The following UTP18 variants were observed in gnomAD, a reference collection of about 807,000 sequenced individuals.
UTP18 encodes U3 small nucleolar RNA-associated protein 18 homolog.
In UTP18, 36 loss-of-function variants were observed where a neutral mutation model predicts 61.1. The ratio of observed to expected loss-of-function variants is 0.59; its 90% confidence interval spans 0.45 to 0.78. The LOEUF is 0.78. Ranked by LOEUF, UTP18 falls within the 30% of genes least tolerant of loss-of-function variation. UTP18 has a pLI of 0.00. For synonymous variants in UTP18, 282 were observed against 251.1 expected (o/e 1.12, Z -1.16); for missense variants, 753 against 693.9 (o/e 1.09, Z -0.96).
At chr17:51,277,010 G>C (rs1597847162) in intron 6 of UTP18, 120 bp from the exon 7 acceptor site, 1 of 1,065,540 alleles carries the variant, frequency 9.4e-7, no homozygotes, top group East Asian at 2.5e-5. Context: ...GGCTGCTTAA[G>C]TCAGCCTTCA....
chr17:51,262,091 ATT>A (rs770103950), intron 1 of UTP18, among the ~76,000 whole-genome samples: 11 of 142,822 alleles, frequency 7.7e-5, no homozygotes, highest in Non-Finnish European at 7.7e-5. Flanking sequence ...CTAGGTTTAG[ATT>A]TTTTTTTTTT....
chr17:51,294,143 T>C, intron 12 of UTP18, 98 bp downstream of exon 12: 1 of 1,049,388 alleles, frequency 9.5e-7, no homozygotes, highest in Non-Finnish European at 1.3e-6. Context: ...GTTAATAAAT[T>C]CTAGTCTGTT....
At chr17:51,281,164 A>ATATATATATTTT (rs59857038) in intron 9 of UTP18, among the ~76,000 whole-genome samples, 8 of 140,426 alleles carry the variant, frequency 5.7e-5, no homozygotes, top group African/African-American at 2.1e-4. Context: ...ATATATATAT[A>ATATATATATTTT]TTTTTTTTAA....
intron 9 of UTP18, among the ~76,000 whole-genome samples, chr17:51,283,416 C>T (rs1021541923): frequency 6.6e-6 from 1 of 152,092 alleles, no homozygotes; most frequent in African/African-American, 2.4e-5. Flanking sequence ...GATCTGCCCG[C>T]CTTGGCCTCC....
intron 4 of UTP18, among the ~76,000 whole-genome samples, chr17:51,271,463 T>G (rs1412244090): frequency 2.6e-5 from 4 of 152,000 alleles, no homozygotes; most frequent in Admixed American, 2.6e-4. Flanking sequence ...TGTGCCACCA[T>G]GCCCAGCTAA....
rs377075898 is a variant in UTP18 at position 51,260,745 on chromosome 17, C to T, written c.161C>T (p.Pro54Leu). Reference sequence around the variant, plus strand: ...TCCCAGCGGAAACCGCCGGCCCGGCCGAGCGCGGCGGCCGCTGCGATTGCA... The same window carrying T: ...TCCCAGCGGAAACCGCCGGCCCGGCTGAGCGCGGCGGCCGCTGCGATTGCA... ...PSSQRKPPARPSAAAAAIAVA... is the reference protein window; with the variant it reads ...PSSQRKPPARLSAAAAAIAVA... Residue 54 changes from proline to leucine, a missense_variant, in exon 1 of 14, where the codon CCG (proline) becomes CTG (leucine). By Grantham distance (98) the Pro-to-Leu change is moderately conservative. Coordinates refer to ENST00000225298, the MANE Select transcript of UTP18 (RefSeq NM_016001.3). 3 of 1,584,424 alleles carry T rather than the reference C, an allele frequency of 1.9e-6. No homozygotes were observed. Among genetic ancestry groups the T allele is most frequent in the African/African-American group, 1.3e-5 (1 of 74,350 alleles).
intron 1 of UTP18, among the ~76,000 whole-genome samples, chr17:51,261,270 T>A (rs570121702): frequency 1.3e-5 from 2 of 152,298 alleles, no homozygotes; most frequent in South Asian, 4.1e-4. Context: ...CCTGCCTCAG[T>A]TCCTTGTGAT....
intron 12 of UTP18, among the ~76,000 whole-genome samples, chr17:51,294,953 G>A (rs1474366775): frequency 6.6e-6 from 1 of 152,220 alleles, no homozygotes; most frequent in Non-Finnish European, 1.5e-5. Context: ...CTGATGGCCA[G>A]TGATGATGAG....
At chr17:51,262,559 T>G (rs934542061) in intron 1 of UTP18, among the ~76,000 whole-genome samples, 5 of 152,156 alleles carry the variant, frequency 3.3e-5, no homozygotes, top group Admixed American at 3.3e-4. Context: ...AGTAACTGGT[T>G]GCTCTTCTTG....
At chr17:51,285,418 A>G (rs1353008400) in intron 10 of UTP18, 50 bp downstream of exon 10, 2 of 1,588,664 alleles carry the variant, frequency 1.3e-6, no homozygotes, top group Non-Finnish European at 1.7e-6. Context: ...GCTAATGAGA[A>G]TATGTTGAGG....
At chr17:51,288,804 G>GTTT (rs1298857530) in intron 11 of UTP18, among the ~76,000 whole-genome samples, 5 of 152,174 alleles carry the variant, frequency 3.3e-5, no homozygotes, top group Non-Finnish European at 7.3e-5. Flanking sequence ...AATCAGCAAA[G>GTTT]GGAAAGGGTA....
In UTP18 at chr17:51,266,939, A is replaced by G. The variant is rs1286300749; in HGVS notation, c.554+659A>G. ...AGTGGTGCTGTCATGGCTCATTGCA[A>G]CCTCTATCTCCTGGGCTCCCCATAG... is the stretch of plus-strand genomic sequence containing the variant. On this transcript the variant is annotated intron_variant, in intron 3 of 13. Transcript: ENST00000225298. 2.0e-5 allele frequency among the ~76,000 whole-genome samples: 3 copies of G among 152,016 alleles called. No individual in the cohort carries two copies. In the East Asian group the frequency reaches 5.8e-4, roughly 29 times the overall value.
At chr17:51,297,101 A>G (rs1424210981) in intron 13 of UTP18, 98 bp downstream of exon 13, 17 of 1,040,226 alleles carry the variant, frequency 1.6e-5, no homozygotes, top group African/African-American at 3.3e-5. Context: ...TTGTTTCTCT[A>G]CCCCTAAGTT....
intron 9 of UTP18, among the ~76,000 whole-genome samples, chr17:51,283,474 CTTA>C (rs1035295271): frequency 6.6e-6 from 1 of 151,850 alleles, no homozygotes; most frequent in African/African-American, 2.4e-5. Flanking sequence ...GCACCCTTTT[CTTA>C]TTCTGTATGG....
chr17:51,277,009 A>G (rs1904744737), intron 6 of UTP18, 121 bp from the exon 7 acceptor site: 3 of 1,037,822 alleles, frequency 2.9e-6, no homozygotes, highest in South Asian at 1.7e-5. Context: ...TGGCTGCTTA[A>G]GTCAGCCTTC....
chr17:51,290,992 T>G (rs942522176), intron 11 of UTP18, among the ~76,000 whole-genome samples: 1 of 152,216 alleles, frequency 6.6e-6, no homozygotes, highest in African/African-American at 2.4e-5. Context: ...ACATCGACAA[T>G]TTTGGATATA....
At chr17:51,285,734 G>T (rs1358807090) in intron 10 of UTP18, among the ~76,000 whole-genome samples, 6 of 152,166 alleles carry the variant, frequency 3.9e-5, no homozygotes, top group Non-Finnish European at 7.3e-5. Flanking sequence ...CTGTTACTAT[G>T]CCTAATTTAT....
At chr17:51,261,994 C>T (rs763165604) in intron 1 of UTP18, among the ~76,000 whole-genome samples, 1 of 152,076 alleles carries the variant, frequency 6.6e-6, no homozygotes, top group Non-Finnish European at 1.5e-5. Flanking sequence ...GGCTATTAGA[C>T]TAGTAGTAGA....
chr17:51,289,537 C>T lies in UTP18; in HGVS notation c.1503+1334C>T, dbSNP rs79683944. Among the ~76,000 whole-genome samples the T allele has an allele frequency of 3.6e-3, 540 of 152,030 alleles. 7 individuals are homozygous for T. The highest frequency in any genetic ancestry group is 0.012 in the African/African-American group (494 of 41,488). On this transcript the variant is annotated intron_variant, in intron 11 of 13. Coordinates refer to ENST00000225298, the MANE Select transcript of UTP18 (RefSeq NM_016001.3). ...CTTTCTAAGGATAGCAGCCTTGGGC[C>T]TATGTAAACTCTTTTCTGCCCAACA...
Sources: gnomAD v4.1 joint callset for allele counts (sites outside exome capture counted in the v4.1 genomes callset) on GRCh38, gnomAD v4.1.1 for gene constraint, MANE v1.5 for transcripts, NCBI Gene and HGNC (gene_info 2026-07-23, HGNC 2026-07-21) for gene names.